Variants in C10orf90 observed in about 807,000 individuals in gnomAD.
The protein encoded by C10orf90 is chromosome 10 open reading frame 90.
C10orf90 carries 56 observed loss-of-function variants against 62.5 expected under a neutral mutation model. The ratio of observed to expected loss-of-function variants is 0.90; its 90% CI spans 0.72 to 1.12. The LOEUF is 1.12. Ranked by LOEUF, C10orf90 falls within the 50% of genes most tolerant of loss-of-function variation. C10orf90 has a pLI of 0.00. For missense variants in C10orf90, 970 were observed against 880.4 expected, an observed-to-expected ratio of 1.10 and a Z score of -1.29; for synonymous variants, 386 against 340.4, an observed-to-expected ratio of 1.13 and a Z score of -1.47.
intron 2 of C10orf90, among the ~76,000 whole-genome samples, chr10:126,636,176 G>A (rs1019093274): frequency 9.2e-5 from 14 of 152,142 alleles, no homozygotes; most frequent in African/African-American, 2.7e-4. Context: ...AGCAGGACAC[G>A]TGACATCCTT....
At chr10:126,532,575 C>T (rs956818145) in intron 2 of C10orf90, among the ~76,000 whole-genome samples, 1 of 151,764 alleles carries the variant, frequency 6.6e-6, no homozygotes, top group Non-Finnish European at 1.5e-5. Flanking sequence ...CGGTGGCTCA[C>T]GCCTATAGTC....
intron 4 of C10orf90, among the ~76,000 whole-genome samples, chr10:126,481,798 C>G (rs1186751972): frequency 6.6e-6 from 1 of 152,148 alleles, no homozygotes; most frequent in Non-Finnish European, 1.5e-5. Context: ...GCCATAAAAC[C>G]TCCTCCCCAA....
At chr10:126,618,437 G>C (rs1453861368) in intron 2 of C10orf90, among the ~76,000 whole-genome samples, 6 of 152,158 alleles carry the variant, frequency 3.9e-5, no homozygotes, top group Non-Finnish European at 8.8e-5. Context: ...TATATTTGAA[G>C]CATCCTTATT....
At chr10:126,560,544 C>T (rs759839178) in intron 2 of C10orf90, among the ~76,000 whole-genome samples, 84 of 152,136 alleles carry the variant, frequency 5.5e-4, no homozygotes, top group Non-Finnish European at 1.0e-3. Flanking sequence ...GGTCTCAAAC[C>T]AGAATGACCC....
At chr10:126,654,187 G>A (rs1275757901) in intron 1 of C10orf90, among the ~76,000 whole-genome samples, 1 of 152,192 alleles carries the variant, frequency 6.6e-6, no homozygotes, top group African/African-American at 2.4e-5. Context: ...TAACAAGAGA[G>A]TCAGCCTGTC....
chr10:126,570,385 C>T (rs1458426003), intron 2 of C10orf90, among the ~76,000 whole-genome samples: 2 of 152,210 alleles, frequency 1.3e-5, no homozygotes, highest in East Asian at 3.8e-4. Flanking sequence ...AGGAGTGAAA[C>T]GCATTTACAT....
intron 2 of C10orf90, among the ~76,000 whole-genome samples, chr10:126,636,021 G>A (rs915791307): frequency 8.5e-5 from 13 of 152,090 alleles, no homozygotes; most frequent in African/African-American, 2.9e-4. Context: ...AGAAGGTTCC[G>A]GGAGGTTTTA....
intron 2 of C10orf90, among the ~76,000 whole-genome samples, chr10:126,609,975 C>A (rs1041286701): frequency 1.4e-4 from 21 of 152,192 alleles, no homozygotes; most frequent in African/African-American, 5.1e-4. Context: ...GTACCTGGAG[C>A]CTTCCCAGGA....
intron 2 of C10orf90, among the ~76,000 whole-genome samples, chr10:126,632,926 C>T (rs1328590933): frequency 6.6e-6 from 1 of 152,156 alleles, no homozygotes; most frequent in Non-Finnish European, 1.5e-5. Context: ...AAACTGCCGA[C>T]CTGCAGCCCT....
At chr10:126,455,371 C>T (rs1859480480) in intron 7 of C10orf90, among the ~76,000 whole-genome samples, 2 of 152,170 alleles carry the variant, frequency 1.3e-5, no homozygotes, top group Non-Finnish European at 2.9e-5. Context: ...ACGTTCCTCC[C>T]CAGGGTGGGA....
intron 4 of C10orf90, among the ~76,000 whole-genome samples, chr10:126,465,325 T>C (rs1165246185): frequency 1.3e-5 from 2 of 152,084 alleles, no homozygotes; most frequent in African/African-American, 2.4e-5. Context: ...AAGGCAATAA[T>C]ATAATGGACT....
chr10:126,650,292 G>C (rs1846265298), intron 1 of C10orf90, among the ~76,000 whole-genome samples: 1 of 152,122 alleles, frequency 6.6e-6, no homozygotes, highest in Non-Finnish European at 1.5e-5. Flanking sequence ...GTGTTATTTA[G>C]TGAATGGAAA....
intron 1 of C10orf90, among the ~76,000 whole-genome samples, chr10:126,655,015 A>C (rs1452498354): frequency 6.6e-6 from 1 of 152,174 alleles, no homozygotes; most frequent in African/African-American, 2.4e-5. Flanking sequence ...GTGGCACCTC[A>C]AGACATTTAC....
intron 1 of C10orf90, among the ~76,000 whole-genome samples, chr10:126,657,671 A>G (rs1234018889): frequency 6.8e-6 from 1 of 147,826 alleles, no homozygotes; most frequent in African/African-American, 2.5e-5. Context: ...GCTAGAGTGC[A>G]GTGGCCCCAT....
chr10:126,502,068 ACAC>A (rs1291381558), intron 4 of C10orf90, among the ~76,000 whole-genome samples: 3 of 148,742 alleles, frequency 2.0e-5, no homozygotes, highest in Non-Finnish European at 4.5e-5. Flanking sequence ...ACGCACACAC[ACAC>A]CACACACACA....
At chr10:126,555,045 G>T (rs576163072) in intron 2 of C10orf90, among the ~76,000 whole-genome samples, 1 of 152,196 alleles carries the variant, frequency 6.6e-6, no homozygotes, top group South Asian at 2.1e-4. Flanking sequence ...ATCTGATTGC[G>T]GTCCACACAA....
intron 1 of C10orf90, among the ~76,000 whole-genome samples, chr10:126,662,034 T>G (rs1846525333): frequency 6.6e-6 from 1 of 151,970 alleles, no homozygotes; most frequent in Non-Finnish European, 1.5e-5. Flanking sequence ...TAATTTTGAT[T>G]GGATGACAGA....
chr10:126,556,986 C>T (rs1323190814), intron 2 of C10orf90, among the ~76,000 whole-genome samples: 1 of 139,704 alleles, frequency 7.2e-6, no homozygotes, highest in Non-Finnish European at 1.5e-5. Flanking sequence ...CAAAAGTAAT[C>T]GTGGTTTTTG....
intron 2 of C10orf90, among the ~76,000 whole-genome samples, chr10:126,548,827 A>G (rs1482478946): frequency 6.6e-6 from 1 of 151,352 alleles, no homozygotes; most frequent in African/African-American, 2.4e-5. Flanking sequence ...GACAGACCCA[A>G]ATATTAATAG....
Sources: gnomAD v4.1 joint callset for allele counts (sites outside exome capture counted in the v4.1 genomes callset) on GRCh38, gnomAD v4.1.1 for gene constraint, MANE v1.5 for transcripts, NCBI Gene and HGNC (gene_info 2026-07-23, HGNC 2026-07-21) for gene names.